Variants in PHACTR1 observed in about 807,000 individuals in gnomAD.
PHACTR1 encodes RPEL repeat containing 1.
Under a neutral mutation model 69.2 loss-of-function variants are expected in PHACTR1, and 16 were observed. That is an observed-to-expected ratio of 0.23 (90% confidence interval 0.16 to 0.35). The LOEUF (loss-of-function observed/expected upper bound fraction) is 0.35. Among genes scored for constraint, PHACTR1 ranks in the 10% least tolerant of loss-of-function variants. The probability of loss-of-function intolerance (pLI) is 1.00; values close to 1 mark genes in which losing one functional copy is unlikely to be tolerated. For synonymous variants in PHACTR1, 312 were observed against 284.5 expected (o/e 1.10, Z -0.97); for missense variants, 510 against 734.7 (o/e 0.69, Z 3.54).
At position 12,999,552 on chromosome 6, in the gene PHACTR1, C is replaced by T. The variant is rs112044049; in HGVS notation, c.251-53813C>T. On this transcript the variant is annotated intron_variant, in intron 4 of 14. Coordinates refer to ENST00000332995, the MANE Select transcript of PHACTR1 (RefSeq NM_030948.6). ...AGGCGGAGGTTGCAGAGAGCTGAGA[C>T]GGCGCCACTGCACTCCAGCCTGGGT... 8.0e-3 allele frequency among the ~76,000 whole-genome samples: 1,216 copies of T among 152,120 alleles called. 16 individuals are homozygous for T. Among genetic ancestry groups the T allele is most frequent in the African/African-American group, 0.028 (1,173 of 41,470 alleles).
intron 4 of PHACTR1, among the ~76,000 whole-genome samples, chr6:12,768,109 CTTTTTTTTTT>C (rs781107897): frequency 9.3e-6 from 1 of 107,568 alleles, no homozygotes; most frequent in Admixed American, 1.1e-4. Context: ...CTATCAAATC[CTTTTTTTTTT>C]TTTTTTTTTT....
Position 13,015,612 on chromosome 6 carries a change from A to G in PHACTR1, c.251-37753A>G, listed in dbSNP as rs116699802. Reference sequence around the variant, plus strand: ...GCTGCCCAGATGGGCTGCTTCCACAACACTGGGAGTTTATTTAAATTAGTG... The same window carrying G: ...GCTGCCCAGATGGGCTGCTTCCACAGCACTGGGAGTTTATTTAAATTAGTG... On this transcript the variant is annotated intron_variant, in intron 4 of 14. Coordinates refer to ENST00000332995, the MANE Select transcript of PHACTR1 (RefSeq NM_030948.6). Among the ~76,000 whole-genome samples the G allele has an allele frequency of 3.2e-3, 493 of 152,296 alleles. 2 individuals carry two copies. Among genetic ancestry groups the G allele is most frequent in the African/African-American group, 0.012 (478 of 41,550 alleles).
chr6:13,065,654 G>A (rs1484666832), intron 5 of PHACTR1, among the ~76,000 whole-genome samples: 1 of 152,118 alleles, frequency 6.6e-6, no homozygotes, highest in East Asian at 1.9e-4. Flanking sequence ...TGAGGGGGAT[G>A]TTTTTTAAGA....
intron 4 of PHACTR1, among the ~76,000 whole-genome samples, chr6:12,806,485 T>C (rs1269125187): frequency 2.6e-5 from 4 of 152,146 alleles, no homozygotes; most frequent in Non-Finnish European, 5.9e-5. Context: ...CCTAATTTTC[T>C]CTTTTATAAT....
At chr6:12,838,743 G>A (rs775277659) in intron 4 of PHACTR1, among the ~76,000 whole-genome samples, 1 of 152,078 alleles carries the variant, frequency 6.6e-6, no homozygotes, top group Non-Finnish European at 1.5e-5. Context: ...GCCTCAAAAT[G>A]GTTGTGAATT....
At chr6:12,928,478 G>T (rs80050085) in intron 4 of PHACTR1, among the ~76,000 whole-genome samples, 1 of 152,158 alleles carries the variant, frequency 6.6e-6, no homozygotes, top group Non-Finnish European at 1.5e-5. Flanking sequence ...CAGAATCCTG[G>T]TTTAATTTCT....
At chr6:12,889,042 G>A (rs1406700513) in intron 4 of PHACTR1, among the ~76,000 whole-genome samples, 1 of 152,168 alleles carries the variant, frequency 6.6e-6, no homozygotes, top group East Asian at 1.9e-4. Context: ...GGAGGCCAAG[G>A]TGGAAGGATA....
chr6:12,745,066 G>A (rs113025569), intron 3 of PHACTR1, among the ~76,000 whole-genome samples: 19 of 152,220 alleles, frequency 1.2e-4, no homozygotes, highest in Admixed American at 3.9e-4. Flanking sequence ...AACAAGTATC[G>A]CAAGTGATTC....
intron 8 of PHACTR1, among the ~76,000 whole-genome samples, chr6:13,225,807 C>A (rs1418827696): frequency 6.6e-6 from 1 of 152,182 alleles, no homozygotes; most frequent in Non-Finnish European, 1.5e-5. Context: ...GAGGAAAAGA[C>A]AGGATTCAGG....
At chr6:12,847,190 A>C (rs1779371311) in intron 4 of PHACTR1, among the ~76,000 whole-genome samples, 1 of 152,196 alleles carries the variant, frequency 6.6e-6, no homozygotes, top group Non-Finnish European at 1.5e-5. Flanking sequence ...TGGTCTTCAT[A>C]GTTGTAGGTA....
chr6:12,744,598 C>G (rs1224846684), intron 3 of PHACTR1, among the ~76,000 whole-genome samples: 1 of 152,094 alleles, frequency 6.6e-6, no homozygotes, highest in African/African-American at 2.4e-5. Flanking sequence ...CCAATCCAGT[C>G]CCCAAGAGAG....
chr6:13,085,714 C>T (rs2127810118), intron 5 of PHACTR1, among the ~76,000 whole-genome samples: 1 of 152,108 alleles, frequency 6.6e-6, no homozygotes, highest in South Asian at 2.1e-4. Flanking sequence ...GCATGATTAA[C>T]AAGCTGTAAG....
intron 4 of PHACTR1, among the ~76,000 whole-genome samples, chr6:12,965,511 G>T (rs1793367772): frequency 6.8e-6 from 1 of 147,462 alleles, no homozygotes; most frequent in Admixed American, 6.9e-5. Context: ...GTTTAGAATG[G>T]CCCCAAGCGT....
intron 5 of PHACTR1, among the ~76,000 whole-genome samples, chr6:13,140,255 C>T (rs1196442478): frequency 2.6e-5 from 4 of 152,100 alleles, no homozygotes; most frequent in African/African-American, 9.7e-5. Flanking sequence ...AATGGAATTA[C>T]CATATAACCC....
chr6:13,249,358 C>T (rs1353782328), intron 10 of PHACTR1, among the ~76,000 whole-genome samples: 1 of 152,092 alleles, frequency 6.6e-6, no homozygotes, highest in Non-Finnish European at 1.5e-5. Flanking sequence ...CCTGAAACCA[C>T]CTTGCCCCCA....
chr6:13,024,922 G>C (rs1431143529), intron 4 of PHACTR1, among the ~76,000 whole-genome samples: 2 of 152,154 alleles, frequency 1.3e-5, no homozygotes, highest in Non-Finnish European at 2.9e-5. Context: ...TACCTGAAAA[G>C]TGTAGTAGTC....
At chr6:13,047,021 A>C (rs1805167094) in intron 4 of PHACTR1, among the ~76,000 whole-genome samples, 1 of 152,146 alleles carries the variant, frequency 6.6e-6, no homozygotes, top group African/African-American at 2.4e-5. Context: ...GTGACAGTAC[A>C]TTTATAAAAG....
At chr6:13,021,259 T>A (rs1800936855) in intron 4 of PHACTR1, among the ~76,000 whole-genome samples, 1 of 152,238 alleles carries the variant, frequency 6.6e-6, no homozygotes, top group African/African-American at 2.4e-5. Flanking sequence ...CCATGCAATA[T>A]ATGGTACCTT....
intron 10 of PHACTR1, among the ~76,000 whole-genome samples, chr6:13,232,553 A>G (rs374866589): frequency 5.3e-5 from 8 of 152,328 alleles, no homozygotes; most frequent in African/African-American, 1.7e-4. Context: ...AGCCTGTCCC[A>G]TTGTTGGAGA....
Sources: gnomAD v4.1 joint callset for allele counts (sites outside exome capture counted in the v4.1 genomes callset) on GRCh38, gnomAD v4.1.1 for gene constraint, MANE v1.5 for transcripts, NCBI Gene and HGNC (gene_info 2026-07-23, HGNC 2026-07-21) for gene names.